JMJD1C: variants seen among roughly 807,000 people sequenced by gnomAD.
JMJD1C encodes the protein jumonji domain containing 1C, also known as jumonji domain-containing protein 1C.
In JMJD1C, 31 loss-of-function variants were observed where a neutral mutation model predicts 245.3. That is an observed-to-expected ratio of 0.13 (90% CI 0.09 to 0.17). JMJD1C has a LOEUF of 0.17. JMJD1C is among the 10% of genes least tolerant of loss of function. The pLI is 1.00. For synonymous variants in JMJD1C, 1,057 were observed against 1,017.4 expected (o/e 1.04, Z -0.74); for missense variants, 2,691 against 3,000.2 (o/e 0.90, Z 2.41).
intron 1 of JMJD1C, among the ~76,000 whole-genome samples, chr10:63,490,413 A>T (rs1246674345): frequency 1.1e-4 from 14 of 123,638 alleles, no homozygotes; most frequent in Non-Finnish European, 2.0e-4. Flanking sequence ...ATAATTATTT[A>T]TTTATTTTAT....
chr10:63,473,589 C>T (rs184352481), intron 1 of JMJD1C, among the ~76,000 whole-genome samples: 27 of 152,156 alleles, frequency 1.8e-4, no homozygotes, highest in African/African-American at 5.8e-4. Flanking sequence ...CTTATTGCAT[C>T]GAAACTGGAC....
At chr10:63,435,974 G>A (rs911792371) in intron 1 of JMJD1C, among the ~76,000 whole-genome samples, 4 of 152,088 alleles carry the variant, frequency 2.6e-5, no homozygotes, top group Non-Finnish European at 5.9e-5. Flanking sequence ...ATGGTGGAAA[G>A]GTTAGATTCT....
intron 1 of JMJD1C, among the ~76,000 whole-genome samples, chr10:63,401,445 C>T (rs182492430): frequency 6.6e-6 from 1 of 152,098 alleles, no homozygotes; most frequent in Non-Finnish European, 1.5e-5. Context: ...CAGGATCTCA[C>T]GGTATTGCCC....
chr10:63,204,201 G>A (rs889272000), intron 10 of JMJD1C: 21 of 985,064 alleles, frequency 2.1e-5, no homozygotes, highest in Non-Finnish European at 2.5e-5. Context: ...ACAATTAATA[G>A]ATGACATCTA....
At chr10:63,384,299 A>G (rs1175275731) in intron 1 of JMJD1C, among the ~76,000 whole-genome samples, 2 of 152,210 alleles carry the variant, frequency 1.3e-5, no homozygotes, top group African/African-American at 4.8e-5. Context: ...TCTTAATGGC[A>G]TCTAGAATAC....
At chr10:63,360,746 C>T (rs930369287) in intron 2 of JMJD1C, among the ~76,000 whole-genome samples, 12 of 152,060 alleles carry the variant, frequency 7.9e-5, no homozygotes, top group South Asian at 2.1e-4. Context: ...ACAAAAGTTA[C>T]ATGTTTCAAA....
intron 2 of JMJD1C, among the ~76,000 whole-genome samples, chr10:63,339,743 T>C (rs920576323): frequency 2.6e-5 from 4 of 152,208 alleles, no homozygotes; most frequent in East Asian, 1.9e-4. Context: ...CTGGACAACA[T>C]AGTGAAACCA....
rs1362019240 is a variant in JMJD1C, at chr10:63,213,823, G to A, written c.2344C>T (p.Leu782=). ...ACAGCATGGTGTGGACCACTAGTCAGAGGATGAGTGTTAATGGTAGGTAAT... is the reference window on the plus strand; with the variant it reads ...ACAGCATGGTGTGGACCACTAGTCAAAGGATGAGTGTTAATGGTAGGTAAT... ...TPLPTINTHP[L]TSGPHHAVHH... The change falls in exon 8 of 26, where the codon CTG becomes TTG. Residue 782 remains leucine (L), a synonymous_variant. Transcript: ENST00000399262. The A allele has an allele frequency of 6.2e-7, 1 of 1,613,908 alleles. No individual in the cohort carries two copies. The highest frequency in any genetic ancestry group is 1.3e-5 in the African/African-American group (1 of 74,952).
chr10:63,213,405 T>C (rs1847601811), intron 8 of JMJD1C, 68 bp downstream of exon 8: 5 of 923,314 alleles, frequency 5.4e-6, no homozygotes, highest in South Asian at 2.0e-5. Flanking sequence ...ATAGATGGAA[T>C]ATTGAAAAAG....
At chr10:63,419,280 G>A (rs536074033) in intron 1 of JMJD1C, among the ~76,000 whole-genome samples, 21 of 151,088 alleles carry the variant, frequency 1.4e-4, no homozygotes, top group Admixed American at 1.1e-3. Flanking sequence ...CCAGCTACTC[G>A]AGAGTCTGAG....
intron 1 of JMJD1C, among the ~76,000 whole-genome samples, chr10:63,433,909 A>G (rs936812650): frequency 6.6e-6 from 1 of 151,684 alleles, no homozygotes; most frequent in Middle Eastern, 3.2e-3. Flanking sequence ...TTCCAAAAAA[A>G]AAAAAAAGGG....
At chr10:63,180,770 T>A (rs1246896524) in intron 22 of JMJD1C, among the ~76,000 whole-genome samples, 5 of 13,816 alleles carry the variant, frequency 3.6e-4, no homozygotes, top group Non-Finnish European at 1.3e-3. Flanking sequence ...GCACAGCTAA[T>A]TTTTTTTTTT....
intron 1 of JMJD1C, among the ~76,000 whole-genome samples, chr10:63,436,797 A>G (rs577347709): frequency 6.6e-6 from 1 of 152,302 alleles, no homozygotes; most frequent in South Asian, 2.1e-4. Flanking sequence ...CCTATGGATT[A>G]TCCTTTCAGA....
At chr10:63,185,512 A>C in intron 20 of JMJD1C, 51 bp downstream of exon 20, 1 of 984,824 alleles carries the variant, frequency 1.0e-6, no homozygotes, top group Non-Finnish European at 1.6e-6. Context: ...CTCTGGGGAC[A>C]GTCTTAGCTC....
intron 2 of JMJD1C, among the ~76,000 whole-genome samples, chr10:63,340,016 C>T (rs773413960): frequency 1.1e-4 from 17 of 152,014 alleles, no homozygotes; most frequent in Admixed American, 2.0e-4. Flanking sequence ...GCTGAGATAG[C>T]GCCACTGCAC....
At chr10:63,419,076 CAAA>C (rs34710445) in intron 1 of JMJD1C, among the ~76,000 whole-genome samples, 3 of 103,376 alleles carry the variant, frequency 2.9e-5, no homozygotes, top group African/African-American at 3.7e-5. Flanking sequence ...GACTCCATCT[CAAA>C]AAAAAAAAAA....
At chr10:63,217,611 A>C in intron 4 of JMJD1C, 1 of 205,522 alleles carries the variant, frequency 4.9e-6, no homozygotes. Context: ...ACAGTTCAAA[A>C]TGCAAAGTTA....
intron 22 of JMJD1C, among the ~76,000 whole-genome samples, chr10:63,181,230 T>G (rs1397191232): frequency 6.6e-6 from 1 of 152,206 alleles, no homozygotes; most frequent in Non-Finnish European, 1.5e-5. Context: ...TTCTAAAATC[T>G]GTTTTCTTAA....
intron 2 of JMJD1C, among the ~76,000 whole-genome samples, chr10:63,307,785 TA>T (rs983763005): frequency 2.0e-5 from 3 of 152,156 alleles, no homozygotes; most frequent in African/African-American, 7.2e-5. Context: ...CTGCAGAATT[TA>T]AAATAGAAGG....
Sources: allele counts gnomAD v4.1 joint callset (sites outside exome capture counted in the v4.1 genomes callset), GRCh38; gene constraint gnomAD v4.1.1; transcripts MANE v1.5; gene names NCBI Gene and HGNC (gene_info 2026-07-23, HGNC 2026-07-21).